Variants in EPRS1 observed in about 807,000 individuals in gnomAD.
EPRS1 encodes the protein bifunctional glutamate/proline--tRNA ligase.
A neutral mutation model predicts 188.3 loss-of-function variants in EPRS1; 107 were observed. The ratio of observed to expected loss-of-function variants is 0.57; its 90% CI spans 0.49 to 0.67. The LOEUF (loss-of-function observed/expected upper bound fraction) is 0.67, where lower values mean the gene tolerates loss of function less well. Ranked by LOEUF, EPRS1 falls within the 30% of genes least tolerant of loss-of-function variation. The pLI is 0.00. For synonymous variants in EPRS1, 596 were observed against 593.1 expected, an observed-to-expected ratio of 1.00 and a Z score of -0.07; for missense variants, 1,577 against 1,802.2, an observed-to-expected ratio of 0.88 and a Z score of 2.26.
chr1:219,985,850 G>C (rs1217025128), intron 20 of EPRS1, among the ~76,000 whole-genome samples: 1 of 152,034 alleles, frequency 6.6e-6, no homozygotes, highest in East Asian at 1.9e-4. Context: ...TCTCTTTTTG[G>C]AGTTTAAAAA....
intron 20 of EPRS1, 35 bp downstream of exon 20, chr1:219,987,106 TG>T: frequency 6.3e-7 from 1 of 1,578,594 alleles, no homozygotes; most frequent in Non-Finnish European, 8.6e-7. Flanking sequence ...ATTAATTCAC[TG>T]CTTTGCTTCA....
rs1405905173 is a variant in EPRS1 at position 220,006,196 on chromosome 1, T to A, written c.1860A>T (p.Pro620=). The change falls in exon 15 of 32, where the codon CCA becomes CCT. Residue 620 remains proline, a synonymous_variant. Transcript: ENST00000366923. ...AGTGCTCATAAGTGACACAGATTAC[T>A]GGAATAGGAAGAGCATGTGTAGTCT... is the stretch of plus-strand genomic sequence containing the variant. ...LAETTHALPI[P]VICVTYEHLI... 1.9e-6 allele frequency: 3 copies of A among 1,606,288 alleles called. No individual in the cohort carries two copies. Among genetic ancestry groups the A allele is most frequent in the Non-Finnish European group, 2.6e-6 (3 of 1,175,100 alleles).
chr1:219,978,484 A>T, intron 28 of EPRS1, 62 bp downstream of exon 28: 1 of 1,294,026 alleles, frequency 7.7e-7, no homozygotes, highest in South Asian at 1.5e-5. Flanking sequence ...AAAAACATGC[A>T]GAGGAAAATC....
chr1:220,013,443 C>G (rs1661644906), intron 12 of EPRS1, among the ~76,000 whole-genome samples: 1 of 152,080 alleles, frequency 6.6e-6, no homozygotes, highest in African/African-American at 2.4e-5. Context: ...ACAATTCACT[C>G]CTAAAATAAG....
At chr1:220,034,303 G>A (rs903645323) in intron 3 of EPRS1, among the ~76,000 whole-genome samples, 1 of 152,148 alleles carries the variant, frequency 6.6e-6, no homozygotes, top group African/African-American at 2.4e-5. Context: ...TAGGTTTGTA[G>A]TCTAGAAGGA....
intron 10 of EPRS1, 104 bp from the exon 11 acceptor site, chr1:220,019,183 A>G: frequency 1.3e-6 from 1 of 786,594 alleles, no homozygotes; most frequent in African/African-American, 1.7e-5. Context: ...CTTGTTAAAC[A>G]TTTGTCTAAG....
At chr1:220,024,037 A>C (rs1661925493) in intron 8 of EPRS1, among the ~76,000 whole-genome samples, 1 of 152,168 alleles carries the variant, frequency 6.6e-6, no homozygotes, top group African/African-American at 2.4e-5. Flanking sequence ...CTGTCATCCC[A>C]GCTACTTGGG....
chr1:219,975,290 G>A (rs907972882), intron 28 of EPRS1, among the ~76,000 whole-genome samples: 6 of 152,148 alleles, frequency 3.9e-5, no homozygotes, highest in African/African-American at 1.4e-4. Context: ...GGGTGGCAAT[G>A]GCAACGAGAG....
At position 220,020,870 on chromosome 1, in the gene EPRS1, A is replaced by ATATATATATATATATATATATG. The variant is rs1219334636; in HGVS notation, c.1116-650_1116-649insCATATATATATATATATATATA. Among the ~76,000 whole-genome samples the ATATATATATATATATATATATG allele has an allele frequency of 2.7e-4, 21 of 77,290 alleles. 1 individual carries two copies. Among genetic ancestry groups the ATATATATATATATATATATATG allele is most frequent in the Non-Finnish European group, 4.5e-4 (18 of 39,676 alleles). The allele number at this position is 77,290 out of a possible 152,430, so 50.7% of individuals were successfully genotyped here. On this transcript the variant is annotated intron_variant, in intron 9 of 31. Transcript: ENST00000366923. ...TATATATATATATATATATATATATATTAGTGCATTATGCTTTCTTTCTTT... is the reference window on the plus strand; with the variant it reads ...TATATATATATATATATATATATATATATATATATATATATATATATGTTAGTGCATTATGCTTTCTTTCTTT...
At position 219,968,951 on chromosome 1, in the gene EPRS1, T is replaced by A. The variant is rs752786134; in HGVS notation, c.4394A>T (p.Gln1465Leu). Residue 1465 changes from glutamine to leucine, a missense_variant, in exon 32 of 32, where the codon CAA (glutamine) becomes CTA (leucine). Transcript: ENST00000366923. The part of the protein sequence containing the change: ...DWIKKTTARD[Q>L]DLEPGAPSMG... Reference sequence around the variant, plus strand: ...GGATGGAGCACCAGGTTCAAGATCTTGATCCCTGAAATTAATAACAAATAA... The same window carrying A: ...GGATGGAGCACCAGGTTCAAGATCTAGATCCCTGAAATTAATAACAAATAA... 1.9e-6 allele frequency: 3 copies of A among 1,614,084 alleles called. No homozygotes were observed. The highest frequency in any genetic ancestry group is 2.5e-6 in the Non-Finnish European group (3 of 1,179,946).
At chr1:220,039,866 C>A (rs1662260326) in intron 2 of EPRS1, among the ~76,000 whole-genome samples, 1 of 152,188 alleles carries the variant, frequency 6.6e-6, no homozygotes, top group African/African-American at 2.4e-5. Flanking sequence ...CGTGGTGGCT[C>A]ACGTCTTTAA....
Position 219,978,097 on chromosome 1 carries a change from A to C in EPRS1, c.4083+449T>G, listed in dbSNP as rs563351380. 3.9e-5 allele frequency among the ~76,000 whole-genome samples: 6 copies of C among 152,354 alleles called. No homozygotes were observed. The East Asian group carries it at 9.6e-4, about 24-fold the overall frequency. On this transcript the variant is annotated intron_variant, in intron 28 of 31. Coordinates refer to ENST00000366923, the MANE Select transcript of EPRS1 (RefSeq NM_004446.3). ...TTTAATAAACAAAATAAAAATCAAC[A>C]AACTGGTATGAAACAATGTGGTGTG...
Position 220,006,307 on chromosome 1 carries a change from T to C in EPRS1, c.1749A>G (p.Ala583=), listed in dbSNP as rs371661488. The C allele has an allele frequency of 1.1e-3, 1,623 of 1,536,280 alleles. 33 individuals are homozygous for C. The South Asian group carries it at 0.019, about 18-fold the overall frequency. Residue 583 remains alanine (A), a synonymous_variant, in exon 15 of 32, where the codon GCA becomes GCG. Transcript: ENST00000366923. ...CATCAAGAGATATGATTTTTCCATC[T>C]GCATTTCTAGATATAAGATTAAAAG... ...NLNITKIHKN[A]DGKIISLDAK...
intron 13 of EPRS1, among the ~76,000 whole-genome samples, chr1:220,008,425 T>C (rs1661539354): frequency 6.6e-6 from 1 of 152,126 alleles, no homozygotes; most frequent in Admixed American, 6.5e-5. Context: ...TAAGAAGATC[T>C]TTTGAAATAA....
chr1:220,033,450 C>T, intron 4 of EPRS1, 52 bp downstream of exon 4: 5 of 1,340,024 alleles, frequency 3.7e-6, no homozygotes, highest in Non-Finnish European at 5.2e-6. Flanking sequence ...TAATTTTTAT[C>T]CAGCAAAATA....
chr1:220,004,522 C>G (rs1055774858), intron 16 of EPRS1, among the ~76,000 whole-genome samples: 21 of 151,976 alleles, frequency 1.4e-4, no homozygotes, highest in African/African-American at 4.6e-4. Context: ...AGTGGATCCA[C>G]AGAGATGGAC....
chr1:219,974,744 T>G (rs184560399), intron 28 of EPRS1, among the ~76,000 whole-genome samples: 2 of 152,328 alleles, frequency 1.3e-5, no homozygotes, highest in East Asian at 3.9e-4. Flanking sequence ...CTTTAGTTAT[T>G]TATCCAATGT....
chr1:220,032,349 GTGT>G, intron 5 of EPRS1, 35 bp downstream of exon 5: 1 of 1,516,484 alleles, frequency 6.6e-7, no homozygotes, highest in South Asian at 1.2e-5. Context: ...GCCTCCCAAA[GTGT>G]TTTTTTTTTT....
Position 219,988,769 on chromosome 1 carries a change from CTT to C in EPRS1, c.2594_2595del (p.Lys865ArgfsTer27). On this transcript the variant is annotated frameshift_variant, in exon 19 of 32. Coordinates refer to ENST00000366923, the MANE Select transcript of EPRS1 (RefSeq NM_004446.3). LOFTEE classifies it high-confidence loss of function. The stretch of plus-strand genomic sequence containing the variant: ...GGTATGTACTCCTTCCCAGTTTTTT[CTT>C]TATACTGAGCCTTCAGGGACAGTAA... ...ECLLSLKAQYKEKTGKEYIPG... is the reference protein window; with the variant it reads ...ECLLSLKAQYXEKTGKEYIPG... 1 of 1,613,690 alleles carries C rather than the reference CTT, an allele frequency of 6.2e-7. No individual in the cohort carries two copies. Among genetic ancestry groups the C allele is most frequent in the Non-Finnish European group, 8.5e-7 (1 of 1,179,744 alleles).
Sources: gnomAD v4.1 joint callset for allele counts (sites outside exome capture counted in the v4.1 genomes callset) on GRCh38, gnomAD v4.1.1 for gene constraint, MANE v1.5 for transcripts, NCBI Gene and HGNC (gene_info 2026-07-23, HGNC 2026-07-21) for gene names.